The following SART3 variants were observed in gnomAD, a reference collection of about 807,000 sequenced individuals.
The protein encoded by SART3 is HIV-1 Tat-interacting protein of 110kDa.
A neutral mutation model predicts 122.3 loss-of-function variants in SART3; 44 were observed. The ratio of observed to expected loss-of-function variants is 0.36; its 90% CI spans 0.28 to 0.46. The LOEUF (loss-of-function observed/expected upper bound fraction) is 0.46. SART3 is among the 20% of genes least tolerant of loss of function. The pLI, the probability that SART3 is intolerant of heterozygous loss-of-function variation, is 1.00. For missense variants in SART3, 1,101 were observed against 1,229.0 expected, an observed-to-expected ratio of 0.90 and a Z score of 1.56; for synonymous variants, 442 against 454.0, an observed-to-expected ratio of 0.97 and a Z score of 0.34.
Position 108,539,072 on chromosome 12 carries a change from T to C in SART3, c.924A>G (p.Pro308=). The change falls in exon 7 of 19, where the codon CCA becomes CCG. Residue 308 remains proline (P), a synonymous_variant. Coordinates refer to ENST00000546815, the MANE Select transcript of SART3 (RefSeq NM_014706.4). ...TATATGCTTGATATTCTGCCAGCCT[T>C]GGTGCCTCTGCCTGCAACTGGAGTA... ...YEEALLQAEA[P]RLAEYQAYID... The C allele has an allele frequency of 6.2e-7, 1 of 1,614,204 alleles. No individual in the cohort carries two copies. The highest frequency in any genetic ancestry group is 1.6e-4 in the Middle Eastern group (1 of 6,062).
In SART3 at chr12:108,523,337, C is replaced by CTTTAGACAGAACCACAA; in HGVS notation, c.*119_*120insTTGTGGTTCTGTCTAAA. 9.8e-7 allele frequency: 1 copy of CTTTAGACAGAACCACAA among 1,016,254 alleles called. No homozygotes were observed. The highest frequency in any genetic ancestry group is 1.6e-6 in the Non-Finnish European group (1 of 639,576). The allele number at this position is 1,016,254 out of a possible 1,614,324, so 63.0% of individuals were successfully genotyped here. A position where few individuals can be genotyped will look rare whatever the true frequency, so the allele number is the denominator to read the frequency against. ...CCCCTTTCTGTCTAAAGCCGAGGAG[C>CTTTAGACAGAACCACAA]CATCTGTGGTTGCGAGCACGCAGCA... On this transcript the variant is annotated 3_prime_UTR_variant, in exon 19 of 19. Transcript: ENST00000546815.
At chr12:108,559,039 G>A (rs151093283) in intron 1 of SART3, among the ~76,000 whole-genome samples, 2,035 of 103,804 alleles carry the variant, frequency 0.02, 1 homozygote, top group African/African-American at 0.024. Flanking sequence ...TCTCAAAAAA[G>A]AAAAAAAAAA....
Position 108,526,479 on chromosome 12 carries a change from C to T in SART3, c.1990G>A (p.Ala664Thr), listed in dbSNP as rs1402775597. The T allele has an allele frequency of 6.2e-7, 1 of 1,614,194 alleles. No homozygotes were observed. Among genetic ancestry groups the T allele is most frequent in the Non-Finnish European group, 8.5e-7 (1 of 1,180,044 alleles). Residue 664 changes from alanine (A) to threonine (T), a missense_variant, in exon 16 of 19, where the codon GCA (alanine) becomes ACA (threonine). By Grantham distance (58) the Ala-to-Thr change is moderately conservative (BLOSUM62 0). Coordinates refer to ENST00000546815, the MANE Select transcript of SART3 (RefSeq NM_014706.4). ...AGETQNVEVA[A>T]GPAGKCAAVD... The stretch of plus-strand genomic sequence containing the variant: ...GCAGCACATTTCCCAGCGGGCCCTG[C>T]TGCTACTTCTACATTTTGTGTTTCT...
intron 6 of SART3, among the ~76,000 whole-genome samples, chr12:108,540,405 G>A (rs960861700): frequency 4.6e-5 from 7 of 152,050 alleles, no homozygotes; most frequent in Non-Finnish European, 4.4e-5. Context: ...AATCTCCCTT[G>A]CAGGGGACTC....
chr12:108,538,309 C>T (rs1375258808), intron 7 of SART3, 106 bp from the exon 8 acceptor site: 3 of 1,342,050 alleles, frequency 2.2e-6, no homozygotes, highest in South Asian at 1.2e-5. Flanking sequence ...TCCTTATAAA[C>T]ATCTCTTGTG....
At chr12:108,557,214 T>G (rs924006967) in intron 1 of SART3, among the ~76,000 whole-genome samples, 5 of 142,648 alleles carry the variant, frequency 3.5e-5, no homozygotes, top group African/African-American at 5.3e-5. Flanking sequence ...TAGTTTTTTT[T>G]TTTTTTTTTT....
intron 1 of SART3, among the ~76,000 whole-genome samples, chr12:108,551,172 A>G (rs1052176736): frequency 3.3e-5 from 5 of 152,240 alleles, no homozygotes; most frequent in African/African-American, 1.2e-4. Flanking sequence ...CATTAATTAA[A>G]AAGTTGAAGC....
chr12:108,555,138 CAAT>C (rs1297099915), intron 1 of SART3, among the ~76,000 whole-genome samples: 2 of 152,124 alleles, frequency 1.3e-5, no homozygotes, highest in Admixed American at 6.5e-5. Flanking sequence ...TGCTTCACAA[CAAT>C]GTGACTATAC....
chr12:108,524,762 C>T (rs1872291965), intron 17 of SART3: 1 of 561,234 alleles, frequency 1.8e-6, no homozygotes, highest in Non-Finnish European at 3.2e-6. Context: ...CTTGTACGTG[C>T]TGCAGAAGTA....
At chr12:108,553,776 T>C (rs960519025) in intron 1 of SART3, among the ~76,000 whole-genome samples, 1 of 152,194 alleles carries the variant, frequency 6.6e-6, no homozygotes, top group African/African-American at 2.4e-5. Flanking sequence ...AATACAAATA[T>C]GAAGGATTAC....
intron 17 of SART3, 73 bp from the exon 18 acceptor site, chr12:108,524,579 C>T: frequency 7.0e-7 from 1 of 1,423,986 alleles, no homozygotes; most frequent in Non-Finnish European, 9.9e-7. Flanking sequence ...GCAGGGCAGG[C>T]ACTGGGCTTC....
intron 13 of SART3, chr12:108,531,673 G>T (rs1249812189): frequency 3.7e-5 from 10 of 269,986 alleles, no homozygotes; most frequent in African/African-American, 2.0e-4. Context: ...CCAAAATCCA[G>T]ACCAATACCC....
chr12:108,558,877 G>GAAACCCCA (rs2030342658), intron 1 of SART3, among the ~76,000 whole-genome samples: 1 of 151,738 alleles, frequency 6.6e-6, no homozygotes. Context: ...ACTAAAAATA[G>GAAACCCCA]TAAAAATTAG....
chr12:108,531,342 A>G, intron 13 of SART3, 62 bp from the exon 14 acceptor site: 1 of 1,325,858 alleles, frequency 7.5e-7, no homozygotes, highest in Admixed American at 1.7e-5. Flanking sequence ...AATCACATAA[A>G]TTTTTCTTAA....
chr12:108,550,868 C>A (rs760264001), intron 1 of SART3, among the ~76,000 whole-genome samples: 3 of 152,004 alleles, frequency 2.0e-5, no homozygotes, highest in Admixed American at 1.3e-4. Context: ...ATAAATAAAT[C>A]AAGATGAAAA....
chr12:108,549,342 A>C (rs2029895796), intron 1 of SART3, 128 bp from the exon 2 acceptor site: 2 of 991,784 alleles, frequency 2.0e-6, no homozygotes, highest in Non-Finnish European at 3.1e-6. Context: ...AAAACCACTG[A>C]AACAGCAACC....
chr12:108,542,731 C>A, intron 6 of SART3: 7 of 451,590 alleles, frequency 1.6e-5, no homozygotes, highest in Non-Finnish European at 2.5e-5. Flanking sequence ...TAAAGAAAAG[C>A]AAGGGAATTA....
In SART3 at chr12:108,535,450, T is replaced by C. The variant is rs749311008; in HGVS notation, c.1465A>G (p.Met489Val). The C allele has an allele frequency of 1.9e-6, 3 of 1,614,156 alleles. No individual in the cohort carries two copies. Among genetic ancestry groups the C allele is most frequent in the South Asian group, 1.1e-5 (1 of 91,080 alleles). ...TCCCAGAGTTCCCGAGCTTTCTGCA[T>C]GTTATTGCACAGTCGAGCCTAAAGT... is the stretch of plus-strand genomic sequence containing the variant. ...ARIEARLCNN[M>V]QKARELWDSI... The change falls in exon 12 of 19, where the codon ATG becomes GTG. Residue 489 changes from methionine (M) to valine (V), a missense_variant. Met to Val is a conservative substitution (Grantham distance 21). Transcript: ENST00000546815.
intron 1 of SART3, among the ~76,000 whole-genome samples, chr12:108,556,926 G>GC (rs1592778597): frequency 1.3e-5 from 2 of 152,320 alleles, no homozygotes; most frequent in East Asian, 3.9e-4. Context: ...GCATGCAAGT[G>GC]CCCCTCACAT....
Sources: allele counts gnomAD v4.1 joint callset (sites outside exome capture counted in the v4.1 genomes callset), GRCh38; gene constraint gnomAD v4.1.1; transcripts MANE v1.5; gene names NCBI Gene and HGNC (gene_info 2026-07-23, HGNC 2026-07-21).